Variants in FAT3 observed in about 807,000 individuals in gnomAD.
FAT3 encodes the protein protocadherin Fat 3.
FAT3 carries 95 observed loss-of-function variants against 310.2 expected under a neutral mutation model. The observed-to-expected ratio is 0.31, with a 90% CI of 0.26 to 0.36. The LOEUF (loss-of-function observed/expected upper bound fraction) is 0.36, where lower values mean the gene tolerates loss of function less well. Ranked by LOEUF, FAT3 falls within the 10% of genes least tolerant of loss-of-function variation. FAT3 has a pLI of 1.00. For synonymous variants in FAT3, 2,314 were observed against 2,192.9 expected (o/e 1.06, Z -1.54); for missense variants, 5,408 against 5,715.6 (o/e 0.95, Z 1.74).
Position 92,895,184 on chromosome 11 carries a change from G to C in FAT3, c.*4071G>C, listed in dbSNP as rs1950004901. ...TTTTATGTTTTTAGTTTCAAACTAT[G>C]GGAAATGGAGATTTGAAGAGGCATT... is the stretch of plus-strand genomic sequence containing the variant. On this transcript the variant is annotated 3_prime_UTR_variant, in exon 28 of 28. Transcript: ENST00000525166. The C allele has an allele frequency of 6.6e-6, 1 of 152,202 alleles. No homozygotes were observed. The highest frequency in any genetic ancestry group is 2.4e-5 in the African/African-American group (1 of 41,452). 9.4% of individuals were successfully genotyped at this position (152,202 alleles called of 1,614,324 possible).
At chr11:92,574,797 A>G (rs1938382944) in intron 3 of FAT3, among the ~76,000 whole-genome samples, 1 of 152,100 alleles carries the variant, frequency 6.6e-6, no homozygotes, top group African/African-American at 2.4e-5. Flanking sequence ...CACTGCAGGC[A>G]CTGTACCAAG....
intron 4 of FAT3, among the ~76,000 whole-genome samples, chr11:92,726,233 C>T (rs1944994437): frequency 6.6e-6 from 1 of 152,022 alleles, no homozygotes; most frequent in Non-Finnish European, 1.5e-5. Flanking sequence ...GCAGAGTTTT[C>T]CTTTTCTATA....
At position 92,890,584 on chromosome 11, in the gene FAT3, C is replaced by A. The variant is rs1949894440; in HGVS notation, c.13241C>A (p.Ala4414Glu). 1.2e-6 allele frequency: 2 copies of A among 1,613,492 alleles called. No individual in the cohort carries two copies. Among genetic ancestry groups the A allele is most frequent in the Non-Finnish European group, 1.7e-6 (2 of 1,179,788 alleles). Residue 4414 changes from alanine (A) to glutamate (E), a missense_variant, in exon 28 of 28, where the codon GCA becomes GAA. By Grantham distance (107) the Ala-to-Glu change is moderately radical. This residue lies in a region of FAT3 where 649 missense variants were observed against 666.2 expected (regional missense o/e 0.97). Coordinates refer to ENST00000525166, the MANE Select transcript of FAT3 (RefSeq NM_001367949.2). The stretch of plus-strand genomic sequence containing the variant: ...TATGAGAACCAGGATGGAGGGTCTG[C>A]ACACCAGGGGAGCACACGGGAGCTG... Reference protein sequence around the residue: ...PNYENQDGGSAHQGSTRELES... With the variant: ...PNYENQDGGSEHQGSTRELES...
intron 25 of FAT3, 147 bp downstream of exon 25, chr11:92,887,260 C>G (rs1288746843): frequency 4.4e-6 from 3 of 688,572 alleles, no homozygotes; most frequent in Non-Finnish European, 7.3e-6. Flanking sequence ...CTGGTTTACT[C>G]CATTGTTGGG....
chr11:92,556,603 C>T (rs991643728), intron 3 of FAT3, among the ~76,000 whole-genome samples: 1 of 152,106 alleles, frequency 6.6e-6, no homozygotes, highest in Non-Finnish European at 1.5e-5. Flanking sequence ...CTGTGAGGCC[C>T]TACACTGAGC....
At chr11:92,610,578 T>G (rs1210705339) in intron 3 of FAT3, among the ~76,000 whole-genome samples, 1 of 152,182 alleles carries the variant, frequency 6.6e-6, no homozygotes, top group Non-Finnish European at 1.5e-5. Flanking sequence ...CAGAGATCCC[T>G]CCTTTTACCT....
intron 2 of FAT3, among the ~76,000 whole-genome samples, chr11:92,494,446 T>C (rs1244829490): frequency 2.0e-5 from 3 of 152,088 alleles, no homozygotes; most frequent in African/African-American, 4.8e-5. Context: ...GTCTCCAGCA[T>C]ATAAGTATTA....
In FAT3 at chr11:92,486,130, G is replaced by GTTTTTTTTTTTTTTTTTTT. The variant is rs71064714; in HGVS notation, c.3293-38494_3293-38476dup. Reference sequence around the variant, plus strand: ...GTGAAATAGAGGAGAGGCTGCTGGGGTTTTTTTTTTTTTTTTTTTTTTTTT... The same window carrying GTTTTTTTTTTTTTTTTTTT: ...GTGAAATAGAGGAGAGGCTGCTGGGGTTTTTTTTTTTTTTTTTTTTTTTTTTTTTTTTTTTTTTTTTTTT... On this transcript the variant is annotated intron_variant, in intron 2 of 27. Transcript: ENST00000525166. Among the ~76,000 whole-genome samples the GTTTTTTTTTTTTTTTTTTT allele has an allele frequency of 3.0e-4, 11 of 37,140 alleles. 1 individual carries two copies. Among genetic ancestry groups the GTTTTTTTTTTTTTTTTTTT allele is most frequent in the African/African-American group, 5.2e-4 (6 of 11,556 alleles). The allele number at this position is 37,140 out of a possible 152,430, so 24.4% of individuals were successfully genotyped here. A position where few individuals can be genotyped will look rare whatever the true frequency, so the allele number is the denominator to read the frequency against.
chr11:92,633,099 A>G (rs566863177), intron 3 of FAT3, among the ~76,000 whole-genome samples: 1 of 152,248 alleles, frequency 6.6e-6, no homozygotes, highest in African/African-American at 2.4e-5. Context: ...TTTATTCTCT[A>G]ATGCTCTATG....
chr11:92,426,193 T>C (rs780765557), intron 2 of FAT3, among the ~76,000 whole-genome samples: 1 of 152,246 alleles, frequency 6.6e-6, no homozygotes, highest in African/African-American at 2.4e-5. Flanking sequence ...TTTTGAGAAG[T>C]GTCTGTTAAT....
Position 92,801,232 on chromosome 11 carries a change from T to G in FAT3, c.8219T>G (p.Phe2740Cys). The G allele has an allele frequency of 6.2e-7, 1 of 1,613,874 alleles. No individual in the cohort carries two copies. Among genetic ancestry groups the G allele is most frequent in the Non-Finnish European group, 8.5e-7 (1 of 1,179,862 alleles). The change falls in exon 10 of 28, where the codon TTC becomes TGC. Residue 2740 changes from phenylalanine (F) to cysteine (C), a missense_variant. This residue lies in a region of FAT3 where 4,588 missense variants were observed against 4,809.8 expected (regional missense o/e 0.95). Transcript: ENST00000525166. ...ATTTTGCCCAGTCAGAATGTCTGGT[T>G]CAGCACAGTTAATGGGGAACGGCCA... ...LRILPSQNVW[F>C]STVNGERPEN...
intron 2 of FAT3, among the ~76,000 whole-genome samples, chr11:92,379,469 A>G (rs1949436644): frequency 6.6e-6 from 1 of 152,152 alleles, no homozygotes; most frequent in African/African-American, 2.4e-5. Flanking sequence ...CATCTTTTCT[A>G]TCTATACCAG....
At position 92,799,165 on chromosome 11, in the gene FAT3, A is replaced by G; in HGVS notation, c.6152A>G (p.Glu2051Gly). ...GACCGTGAAGAACAAGAGTTATATG[A>G]GCTGGTGGTAGAAGCCAGCCGTGAG... ...PFDREEQELY[E>G]LVVEASRELD... is the part of the protein sequence containing the mutation. Residue 2051 changes from glutamate (E) to glycine (G), a missense_variant, in exon 10 of 28, where the codon GAG becomes GGG. By Grantham distance (98) the Glu-to-Gly change is moderately conservative (BLOSUM62 -2). Around this residue, in one of 5 missense-constraint regions of FAT3, gnomAD observed 4,588 missense variants for 4,809.8 expected, o/e 0.95. Transcript: ENST00000525166. 6.2e-7 allele frequency: 1 copy of G among 1,613,940 alleles called. No individual in the cohort carries two copies. The highest frequency in any genetic ancestry group is 2.2e-5 in the East Asian group (1 of 44,858).
chr11:92,235,290 T>G (rs1036790971), intron 1 of FAT3, among the ~76,000 whole-genome samples: 1 of 152,136 alleles, frequency 6.6e-6, no homozygotes, highest in Non-Finnish European at 1.5e-5. Flanking sequence ...CAACCCTCTC[T>G]AGTTCCTGTA....
rs984296703 is a variant in FAT3 at position 92,597,807 on chromosome 11, G to A, written c.3607+72859G>A. The stretch of plus-strand genomic sequence containing the variant: ...CCTTTGGGAAAATTTTGAAATAGCA[G>A]AGTAGAAAAATGCATCAGTAATCCA... On this transcript the variant is annotated intron_variant, in intron 3 of 27. Coordinates refer to ENST00000525166, the MANE Select transcript of FAT3 (RefSeq NM_001367949.2). Among the ~76,000 whole-genome samples, 64 of 152,270 alleles carry A rather than the reference G, an allele frequency of 4.2e-4. 1 individual carries two copies. The highest frequency in any genetic ancestry group is 4.1e-3 in the Admixed American group (63 of 15,282).
chr11:92,630,329 C>T (rs774116652), intron 3 of FAT3, among the ~76,000 whole-genome samples: 10 of 152,150 alleles, frequency 6.6e-5, no homozygotes, highest in African/African-American at 9.7e-5. Context: ...ATACCATGCT[C>T]GGCCCTCTAA....
At chr11:92,520,488 C>T (rs1475207074) in intron 2 of FAT3, among the ~76,000 whole-genome samples, 1 of 151,834 alleles carries the variant, frequency 6.6e-6, no homozygotes, top group Admixed American at 6.6e-5. Flanking sequence ...TTCCAAATAC[C>T]TCAATTTTTA....
intron 20 of FAT3, among the ~76,000 whole-genome samples, chr11:92,858,875 G>A (rs1448854632): frequency 6.6e-6 from 1 of 152,166 alleles, no homozygotes; most frequent in African/African-American, 2.4e-5. Flanking sequence ...TGGAAATTTA[G>A]TAACATTAAG....
At chr11:92,395,510 C>T (rs541268702) in intron 2 of FAT3, among the ~76,000 whole-genome samples, 7 of 152,240 alleles carry the variant, frequency 4.6e-5, no homozygotes, top group African/African-American at 1.4e-4. Flanking sequence ...CTCTGTTCTA[C>T]AAGGATGCCC....
Sources: gnomAD v4.1 joint callset for allele counts (sites outside exome capture counted in the v4.1 genomes callset) on GRCh38, gnomAD v4.1.1 for gene constraint, gnomAD v4.1.1 regional missense constraint, MANE v1.5 for transcripts, NCBI Gene and HGNC (gene_info 2026-07-23, HGNC 2026-07-21) for gene names.